Variants in CADPS2 observed in about 807,000 individuals in gnomAD.
CADPS2 encodes calcium dependent secretion activator 2.
CADPS2 carries 93 observed loss-of-function variants against 172.5 expected under a neutral mutation model. That is an observed-to-expected ratio of 0.54 (90% CI 0.46 to 0.64). The LOEUF (loss-of-function observed/expected upper bound fraction) is 0.64. Ranked by LOEUF, CADPS2 falls within the 30% of genes least tolerant of loss-of-function variation. CADPS2 has a pLI of 0.00. For missense variants in CADPS2, 1,420 were observed against 1,565.9 expected (o/e 0.91, Z 1.57); for synonymous variants, 546 against 555.2 (o/e 0.98, Z 0.23).
At position 122,621,568 on chromosome 7, in the gene CADPS2, A is replaced by G; in HGVS notation, c.1017T>C (p.Arg339=). Reference sequence around the variant, plus strand: ...TGTCCAAAAATGCAGAGTTCTGTGAACGTTTTAATTTTTGTAATTTAAATT... The same window carrying G: ...TGTCCAAAAATGCAGAGTTCTGTGAGCGTTTTAATTTTTGTAATTTAAATT... ...GPEFKLQKLK[R]SQNSAFLDIG... is the part of the protein sequence containing the mutation. The change falls in exon 5 of 30, where the codon CGT becomes CGC. Residue 339 remains arginine, a synonymous_variant. Transcript: ENST00000449022. The G allele has an allele frequency of 3.7e-6, 6 of 1,613,906 alleles. No individual in the cohort carries two copies. The highest frequency in any genetic ancestry group is 5.1e-6 in the Non-Finnish European group (6 of 1,179,842).
At chr7:122,595,021 A>G (rs950390436) in intron 6 of CADPS2, among the ~76,000 whole-genome samples, 5 of 152,002 alleles carry the variant, frequency 3.3e-5, no homozygotes, top group Admixed American at 2.6e-4. Context: ...GTATACACCA[A>G]TAATCAGTCA....
rs1013425144 is a variant in CADPS2, at chr7:122,711,884, C to T, written c.453+25071G>A. Among the ~76,000 whole-genome samples the T allele has an allele frequency of 2.9e-4, 44 of 151,914 alleles. 1 individual carries two copies. Among genetic ancestry groups the T allele is most frequent in the African/African-American group, 9.6e-4 (40 of 41,476 alleles). On this transcript the variant is annotated intron_variant, in intron 2 of 29. Transcript: ENST00000449022. Reference sequence around the variant, plus strand: ...GTCAGGCTGGTCTCGAACTCCTGACCTTGTGATCCACCTGCCTCAGCCTCT... The same window carrying T: ...GTCAGGCTGGTCTCGAACTCCTGACTTTGTGATCCACCTGCCTCAGCCTCT...
intron 14 of CADPS2, among the ~76,000 whole-genome samples, chr7:122,454,077 T>C (rs1446671490): frequency 6.6e-6 from 1 of 152,186 alleles, no homozygotes; most frequent in Non-Finnish European, 1.5e-5. Context: ...AATGGTAACT[T>C]TGCAGTAGTC....
At chr7:122,450,521 CTTT>C (rs11422329) in intron 15 of CADPS2, among the ~76,000 whole-genome samples, 991 of 78,924 alleles carry the variant, frequency 0.013, 5 homozygotes, top group African/African-American at 0.042. Flanking sequence ...TATTGGTGGC[CTTT>C]TTTTTTTTTT....
intron 1 of CADPS2, among the ~76,000 whole-genome samples, chr7:122,874,822 T>C (rs532115325): frequency 2.0e-4 from 30 of 152,308 alleles, no homozygotes; most frequent in African/African-American, 7.2e-4. Context: ...GAAAACTGGC[T>C]AGCCATATGC....
intron 1 of CADPS2, among the ~76,000 whole-genome samples, chr7:122,818,883 C>T (rs1802292783): frequency 6.6e-6 from 1 of 152,126 alleles, no homozygotes; most frequent in African/African-American, 2.4e-5. Context: ...TTGGCAGCAA[C>T]CCTGAGACGC....
intron 28 of CADPS2, among the ~76,000 whole-genome samples, chr7:122,326,697 C>T (rs1013067355): frequency 4.6e-5 from 7 of 152,058 alleles, no homozygotes; most frequent in African/African-American, 1.7e-4. Flanking sequence ...AAAATTTTCT[C>T]TACATAATAA....
intron 12 of CADPS2, among the ~76,000 whole-genome samples, chr7:122,476,447 T>G (rs2107447): frequency 0.26 from 40,025 of 151,952 alleles, 5,739 homozygotes; most frequent in East Asian, 0.38. Flanking sequence ...AAAAAATGTT[T>G]CTGAAAAACG....
chr7:122,565,918 C>A (rs1015154023), intron 7 of CADPS2, among the ~76,000 whole-genome samples: 4 of 152,118 alleles, frequency 2.6e-5, no homozygotes, highest in African/African-American at 9.7e-5. Flanking sequence ...TAGCCTTTGG[C>A]CAACATCTTC....
intron 1 of CADPS2, among the ~76,000 whole-genome samples, chr7:122,741,709 C>T (rs1383988109): frequency 6.6e-6 from 1 of 152,146 alleles, no homozygotes; most frequent in Non-Finnish European, 1.5e-5. Flanking sequence ...CCTATTAATA[C>T]ACACACATAT....
At chr7:122,514,603 T>G (rs1229659130) in intron 8 of CADPS2, among the ~76,000 whole-genome samples, 1 of 152,080 alleles carries the variant, frequency 6.6e-6, no homozygotes, top group East Asian at 1.9e-4. Flanking sequence ...TAGGATAACA[T>G]GTCAATACAT....
At chr7:122,755,885 C>T (rs185824440) in intron 1 of CADPS2, among the ~76,000 whole-genome samples, 8 of 152,266 alleles carry the variant, frequency 5.3e-5, no homozygotes, top group African/African-American at 1.2e-4. Context: ...AGAATCTTTG[C>T]GATGTAGACG....
intron 1 of CADPS2, 45 bp from the exon 2 acceptor site, chr7:122,737,113 G>T: frequency 2.1e-6 from 2 of 953,150 alleles, no homozygotes; most frequent in Non-Finnish European, 3.4e-6. Flanking sequence ...GCCAGTACAT[G>T]AAAAAATAAT....
chr7:122,645,253 ATG>A (rs1323566119), intron 3 of CADPS2, among the ~76,000 whole-genome samples: 8 of 133,400 alleles, frequency 6.0e-5, no homozygotes, highest in South Asian at 2.4e-4. Context: ...ACACATGTAC[ATG>A]TGTGTATACA....
rs1474441937 is a variant in CADPS2, at chr7:122,755,773, C to T, written c.340-18705G>A. 4.0e-5 allele frequency among the ~76,000 whole-genome samples: 6 copies of T among 151,714 alleles called. No homozygotes were observed. In the East Asian group the frequency reaches 1.2e-3, roughly 29 times the overall value. ...CTGATAAGATATTTCATAAACAAGG[C>T]CTATGTTTGTGTTCTATACTGATAG... On this transcript the variant is annotated intron_variant, in intron 1 of 29. Transcript: ENST00000449022.
At chr7:122,363,788 T>A (rs961128000) in intron 25 of CADPS2, among the ~76,000 whole-genome samples, 1 of 152,146 alleles carries the variant, frequency 6.6e-6, no homozygotes, top group African/African-American at 2.4e-5. Flanking sequence ...AAAATCACTA[T>A]CTGTGTCTAA....
intron 2 of CADPS2, among the ~76,000 whole-genome samples, chr7:122,675,908 C>A (rs2082333675): frequency 6.6e-6 from 1 of 152,028 alleles, no homozygotes; most frequent in African/African-American, 2.4e-5. Context: ...TTGATAGGTG[C>A]AGCAAACCAC....
intron 2 of CADPS2, among the ~76,000 whole-genome samples, chr7:122,683,073 G>C (rs1163756127): frequency 6.6e-6 from 1 of 152,174 alleles, no homozygotes; most frequent in Non-Finnish European, 1.5e-5. Flanking sequence ...GGAAGAATCA[G>C]GTCACATGAA....
intron 3 of CADPS2, among the ~76,000 whole-genome samples, chr7:122,651,646 G>T (rs1430422646): frequency 6.6e-6 from 1 of 152,082 alleles, no homozygotes; most frequent in East Asian, 1.9e-4. Flanking sequence ...GTGGGAGGAG[G>T]GATAAGTGAA....
Sources: allele counts gnomAD v4.1 joint callset (sites outside exome capture counted in the v4.1 genomes callset), GRCh38; gene constraint gnomAD v4.1.1; transcripts MANE v1.5; gene names NCBI Gene and HGNC (gene_info 2026-07-23, HGNC 2026-07-21).